The following EIF3D variants were observed in gnomAD, a reference collection of about 807,000 sequenced individuals.
The protein encoded by EIF3D is eukaryotic translation initiation factor 3 subunit D.
A neutral mutation model predicts 75.4 loss-of-function variants in EIF3D; 10 were observed. The ratio of observed to expected loss-of-function variants is 0.13; its 90% confidence interval spans 0.08 to 0.22. The LOEUF (loss-of-function observed/expected upper bound fraction) is 0.22. Ranked by LOEUF, EIF3D falls within the 10% of genes least tolerant of loss-of-function variation. EIF3D has a pLI of 1.00. For missense variants in EIF3D, 394 were observed against 708.0 expected (o/e 0.56, Z 5.03); for synonymous variants, 246 against 248.3 (o/e 0.99, Z 0.09).
At chr22:36,518,959 A>G (rs1448799879) in intron 8 of EIF3D, 49 bp from the exon 9 acceptor site, 2 of 1,602,882 alleles carry the variant, frequency 1.2e-6, no homozygotes, top group African/African-American at 1.3e-5. Context: ...CCCAGGTCTC[A>G]CTGCCCACTC....
At chr22:36,524,118 C>A in intron 4 of EIF3D, 138 bp from the exon 5 acceptor site, 1 of 844,526 alleles carries the variant, frequency 1.2e-6, no homozygotes, top group Non-Finnish European at 2.0e-6. Context: ...TTTCACTCTA[C>A]GGCATCAACA....
intron 1 of EIF3D, among the ~76,000 whole-genome samples, chr22:36,528,397 G>A (rs1344098955): frequency 6.6e-6 from 1 of 150,432 alleles, no homozygotes; most frequent in Admixed American, 6.6e-5. Context: ...AGCCAGGGAT[G>A]AGATACCCTG....
At chr22:36,524,177 C>T (rs1934559815) in intron 4 of EIF3D, among the ~76,000 whole-genome samples, 197 bp from the exon 5 acceptor site, 1 of 152,120 alleles carries the variant, frequency 6.6e-6, no homozygotes, top group Admixed American at 6.6e-5. Context: ...TAGACCTATA[C>T]TCCCATGATA....
intron 4 of EIF3D, 82 bp from the exon 5 acceptor site, chr22:36,524,062 G>A (rs1934557977): frequency 1.8e-5 from 24 of 1,365,508 alleles, no homozygotes; most frequent in Non-Finnish European, 2.5e-5. Flanking sequence ...GGTCTTTGGA[G>A]TAAATTTAGG....
intron 9 of EIF3D, 69 bp from the exon 10 acceptor site, chr22:36,517,500 G>C: frequency 6.7e-7 from 1 of 1,488,756 alleles, no homozygotes; most frequent in Non-Finnish European, 8.9e-7. Flanking sequence ...AGCGCTGTGG[G>C]GAGATGTGGA....
At chr22:36,522,020 G>T (rs1569000728) in intron 6 of EIF3D, among the ~76,000 whole-genome samples, 1 of 152,002 alleles carries the variant, frequency 6.6e-6, no homozygotes, top group Non-Finnish European at 1.5e-5. Context: ...TGAAGTACAT[G>T]GGTCTACTTA....
intron 3 of EIF3D, among the ~76,000 whole-genome samples, chr22:36,525,399 A>G (rs1934583760): frequency 6.6e-6 from 1 of 152,050 alleles, no homozygotes; most frequent in Non-Finnish European, 1.5e-5. Context: ...GCACGCCACC[A>G]CGCCCAGCTA....
intron 13 of EIF3D, among the ~76,000 whole-genome samples, chr22:36,512,163 T>C (rs1309391892): frequency 6.6e-6 from 1 of 152,192 alleles, no homozygotes; most frequent in Non-Finnish European, 1.5e-5. Context: ...GTGCTAGGAT[T>C]ACAGGCATGA....
At position 36,519,044 on chromosome 22, in the gene EIF3D, C is replaced by G; in HGVS notation, c.712-134G>C. The G allele has an allele frequency of 2.4e-6, 3 of 1,236,150 alleles. No individual in the cohort carries two copies. The South Asian group carries it at 4.7e-5, about 19-fold the overall frequency. The allele number at this position is 1,236,150 out of a possible 1,614,324, so 76.6% of individuals were successfully genotyped here. A position where few individuals can be genotyped will look rare whatever the true frequency, so the allele number is the denominator to read the frequency against. On this transcript the variant is annotated intron_variant, in intron 8 of 14. Coordinates refer to ENST00000216190, the MANE Select transcript of EIF3D (RefSeq NM_003753.4). Reference sequence around the variant, plus strand: ...GAGGCCCCACCTCATTGACCAAAAACACTGCAGCCAGTGAGCCAGCAAGTT... The same window carrying G: ...GAGGCCCCACCTCATTGACCAAAAAGACTGCAGCCAGTGAGCCAGCAAGTT...
intron 13 of EIF3D, 86 bp downstream of exon 13, chr22:36,512,374 A>G: frequency 1.9e-6 from 3 of 1,549,384 alleles, no homozygotes; most frequent in African/African-American, 1.4e-5. Context: ...TCAATTGTCC[A>G]GTACACGGGG....
chr22:36,524,814 A>C, intron 3 of EIF3D, 82 bp from the exon 4 acceptor site: 4 of 1,584,302 alleles, frequency 2.5e-6, no homozygotes, highest in Middle Eastern at 1.7e-4. Flanking sequence ...TTGCTATTTC[A>C]AGTGTGGTCT....
rs763632836 is a variant in EIF3D, at chr22:36,516,743, G to A, written c.1038C>T (p.Asp346=). Residue 346 remains aspartate (D), a synonymous_variant, in exon 11 of 15, where the codon GAC becomes GAT. Transcript: ENST00000216190. The part of the protein sequence containing the change: ...NFPNPNPFVE[D]DMDKNEIASV... The stretch of plus-strand genomic sequence containing the variant: ...AGGCGATTTCATTCTTATCCATGTC[G>A]TCCTCCACAAACGGGTTTGGGTTGG... 33 of 1,614,068 alleles carry A rather than the reference G, an allele frequency of 2.0e-5. No individual in the cohort carries two copies. The highest frequency in any genetic ancestry group is 6.7e-5 in the Admixed American group (4 of 59,998).
intron 8 of EIF3D, among the ~76,000 whole-genome samples, chr22:36,519,176 C>G (rs1029737579): frequency 5.9e-5 from 9 of 152,202 alleles, no homozygotes; most frequent in African/African-American, 2.2e-4. Flanking sequence ...ACATCTACCC[C>G]TTGTTGCAGA....
chr22:36,511,534 CTCCTCATCTTCA>C lies in EIF3D; in HGVS notation c.1590_1601del (p.Asp530_Glu533del), dbSNP rs1386883916. Reference sequence around the variant, plus strand: ...CTTCCTCTTCTTCCTCCTCCTCTTCCTCCTCATCTTCATCAGAGCTGAAGGTGCCATCAGGGA... The same window carrying C: ...CTTCCTCTTCTTCCTCCTCCTCTTCCTCAGAGCTGAAGGTGCCATCAGGGA... On this transcript the variant is annotated inframe_deletion, in exon 14 of 15. Coordinates refer to ENST00000216190, the MANE Select transcript of EIF3D (RefSeq NM_003753.4). The C allele has an allele frequency of 6.2e-7, 1 of 1,613,000 alleles. No homozygotes were observed. The highest frequency in any genetic ancestry group is 2.2e-5 in the East Asian group (1 of 44,884).
intron 12 of EIF3D, chr22:36,516,193 A>C (rs1934423730): frequency 3.3e-6 from 1 of 304,214 alleles, no homozygotes. Flanking sequence ...ACAATGGAAC[A>C]GAGATGAAGA....
intron 12 of EIF3D, among the ~76,000 whole-genome samples, chr22:36,515,590 T>C (rs1568998515): frequency 6.6e-6 from 1 of 152,200 alleles, no homozygotes; most frequent in Non-Finnish European, 1.5e-5. Context: ...ATTAAGTTTC[T>C]GTTAATTTGT....
At chr22:36,517,785 T>C in intron 9 of EIF3D, among the ~76,000 whole-genome samples, 1 of 152,146 alleles carries the variant, frequency 6.6e-6, no homozygotes, top group East Asian at 1.9e-4. Context: ...TCTTGCTCTG[T>C]CACCCAGGTT....
intron 5 of EIF3D, among the ~76,000 whole-genome samples, 173 bp from the exon 6 acceptor site, chr22:36,523,454 T>C (rs1934547291): frequency 6.6e-6 from 1 of 152,204 alleles, no homozygotes; most frequent in Non-Finnish European, 1.5e-5. Flanking sequence ...CTGGAGGTGT[T>C]AGAAAAGGTA....
In EIF3D at chr22:36,518,871, T is replaced by C; in HGVS notation, c.751A>G (p.Ile251Val). Residue 251 changes from isoleucine to valine, a missense_variant, in exon 9 of 15, where the codon ATC becomes GTC. Ile to Val is a conservative substitution (Grantham distance 29). Coordinates refer to ENST00000216190, the MANE Select transcript of EIF3D (RefSeq NM_003753.4). Reference sequence around the variant, plus strand: ...GTACAGCTCATCAGCGTGGCCAGGATGGCATCAGTGGCAAACACATTCCCC... The same window carrying C: ...GTACAGCTCATCAGCGTGGCCAGGACGGCATCAGTGGCAAACACATTCCCC... ...TQGNVFATDAILATLMSCTRS... is the reference protein window; with the variant it reads ...TQGNVFATDAVLATLMSCTRS... The C allele has an allele frequency of 6.2e-7, 1 of 1,614,162 alleles. No individual in the cohort carries two copies.
Sources: allele counts gnomAD v4.1 joint callset (sites outside exome capture counted in the v4.1 genomes callset), GRCh38; gene constraint gnomAD v4.1.1; transcripts MANE v1.5; gene names NCBI Gene and HGNC (gene_info 2026-07-23, HGNC 2026-07-21).